The following CSMD2 variants were observed in gnomAD, a reference collection of about 807,000 sequenced individuals.
CSMD2 encodes the protein CUB and sushi domain-containing protein 2.
CSMD2 carries 130 observed loss-of-function variants against 398.5 expected under a neutral mutation model. The observed-to-expected ratio is 0.33, with a 90% CI of 0.28 to 0.38. The LOEUF (loss-of-function observed/expected upper bound fraction) is 0.38, where lower values mean the gene tolerates loss of function less well. Among genes scored for constraint, CSMD2 ranks in the 10% least tolerant of loss-of-function variants. CSMD2 has a pLI of 1.00. For synonymous variants in CSMD2, 1,828 were observed against 1,908.5 expected, an observed-to-expected ratio of 0.96 and a Z score of 1.10; for missense variants, 3,829 against 4,764.9, an observed-to-expected ratio of 0.80 and a Z score of 5.78.
At chr1:33,669,956 G>A (rs758617889) in intron 25 of CSMD2, among the ~76,000 whole-genome samples, 1 of 152,164 alleles carries the variant, frequency 6.6e-6, no homozygotes, top group Non-Finnish European at 1.5e-5. Context: ...TTCTTCCCCA[G>A]TATTTCCAGA....
chr1:33,994,668 C>T (rs1280996492), intron 3 of CSMD2, among the ~76,000 whole-genome samples: 4 of 152,154 alleles, frequency 2.6e-5, no homozygotes, highest in South Asian at 4.1e-4. Context: ...ATGCCCTTCA[C>T]CCTAGAACCA....
At chr1:34,032,521 G>T in intron 3 of CSMD2, 73 bp downstream of exon 3, 1 of 945,690 alleles carries the variant, frequency 1.1e-6, no homozygotes, top group Non-Finnish European at 1.6e-6. Flanking sequence ...GCATCTGTGA[G>T]CAATGCAGTC....
chr1:33,723,776 C>T (rs1451277249), intron 19 of CSMD2, among the ~76,000 whole-genome samples: 1 of 152,174 alleles, frequency 6.6e-6, no homozygotes, highest in Non-Finnish European at 1.5e-5. Flanking sequence ...TCAGAGACAC[C>T]TAATAGACTA....
At chr1:34,108,949 G>A (rs1364271200) in intron 1 of CSMD2, among the ~76,000 whole-genome samples, 1 of 152,134 alleles carries the variant, frequency 6.6e-6, no homozygotes, top group East Asian at 1.9e-4. Context: ...ATGAGGGGTG[G>A]TAAGACTTGA....
intron 13 of CSMD2, among the ~76,000 whole-genome samples, chr1:33,746,051 C>G (rs1647332546): frequency 6.6e-6 from 1 of 152,154 alleles, no homozygotes; most frequent in East Asian, 1.9e-4. Flanking sequence ...TACTAACCCC[C>G]CACCATGTCT....
chr1:33,632,238 G>A (rs1642504999), intron 32 of CSMD2, among the ~76,000 whole-genome samples: 1 of 151,960 alleles, frequency 6.6e-6, no homozygotes, highest in African/African-American at 2.4e-5. Flanking sequence ...CAGCATAAAA[G>A]CAAAGGAGAA....
chr1:33,534,005 C>G (rs1655523639), intron 62 of CSMD2, 98 bp from the exon 63 acceptor site: 1 of 679,482 alleles, frequency 1.5e-6, no homozygotes, highest in Non-Finnish European at 2.6e-6. Context: ...TCCTCCCGCA[C>G]TGTTGCCTGC....
At chr1:33,534,587 T>G (rs1565786) in intron 62 of CSMD2, among the ~76,000 whole-genome samples, 26,315 of 152,130 alleles carry the variant, frequency 0.17, 2,697 homozygotes, top group East Asian at 0.3. Context: ...CCACTTGGTG[T>G]AATGCGGCTA....
At chr1:33,657,881 G>A in intron 27 of CSMD2, 65 bp downstream of exon 27, 2 of 1,460,440 alleles carry the variant, frequency 1.4e-6, no homozygotes, top group South Asian at 2.5e-5. Flanking sequence ...TGCTGTGCAT[G>A]GAAGGTTCTG....
chr1:33,869,187 T>C (rs1383117433), intron 5 of CSMD2: 4 of 152,182 alleles, frequency 2.6e-5, no homozygotes, highest in African/African-American at 9.7e-5. Flanking sequence ...TGACTTTGTG[T>C]TACTCATCAT....
intron 12 of CSMD2, among the ~76,000 whole-genome samples, chr1:33,774,809 C>T (rs542234315): frequency 6.6e-6 from 1 of 152,148 alleles, no homozygotes; most frequent in South Asian, 2.1e-4. Flanking sequence ...CGTGTAGGCA[C>T]AGCCCTGCGC....
chr1:34,149,372 C>T (rs1258195592), intron 1 of CSMD2, among the ~76,000 whole-genome samples: 1 of 152,184 alleles, frequency 6.6e-6, no homozygotes, highest in Non-Finnish European at 1.5e-5. Flanking sequence ...GCTGGCTGGC[C>T]TCACCTCAGC....
intron 3 of CSMD2, among the ~76,000 whole-genome samples, chr1:33,950,195 C>T (rs1201300606): frequency 3.3e-5 from 5 of 152,168 alleles, no homozygotes; most frequent in African/African-American, 4.8e-5. Flanking sequence ...CCAATCCAAC[C>T]CATTCTCTAA....
intron 1 of CSMD2, among the ~76,000 whole-genome samples, chr1:34,121,787 G>A (rs1161430733): frequency 6.6e-6 from 1 of 152,088 alleles, no homozygotes; most frequent in Non-Finnish European, 1.5e-5. Flanking sequence ...TTCCAAGGTC[G>A]CTAACTCTAA....
chr1:33,565,363 G>C (rs1310061680), intron 53 of CSMD2, among the ~76,000 whole-genome samples: 1 of 152,016 alleles, frequency 6.6e-6, no homozygotes, highest in Non-Finnish European at 1.5e-5. Flanking sequence ...GCAATGATGG[G>C]AAAACCTGGG....
At chr1:33,995,156 A>G (rs1038583667) in intron 3 of CSMD2, among the ~76,000 whole-genome samples, 4 of 152,168 alleles carry the variant, frequency 2.6e-5, no homozygotes, top group Non-Finnish European at 4.4e-5. Flanking sequence ...GTTTCCAGTG[A>G]TGAAGAGAAA....
chr1:34,148,865 T>C (rs1251498917), intron 1 of CSMD2, among the ~76,000 whole-genome samples: 4 of 152,150 alleles, frequency 2.6e-5, no homozygotes, highest in Admixed American at 2.0e-4. Flanking sequence ...GGGGATCTTG[T>C]TAAAATTTAG....
chr1:33,590,634 C>CACACAT (rs1365095041), intron 44 of CSMD2, among the ~76,000 whole-genome samples: 9 of 148,186 alleles, frequency 6.1e-5, no homozygotes, highest in African/African-American at 2.2e-4. Context: ...CACACACACA[C>CACACAT]ATATACTCTT....
At chr1:33,597,650 G>A (rs954199968) in intron 44 of CSMD2, among the ~76,000 whole-genome samples, 5 of 152,308 alleles carry the variant, frequency 3.3e-5, no homozygotes, top group African/African-American at 1.2e-4. Flanking sequence ...TCAGTTGCTG[G>A]GAAGAGTGTA....
Sources: allele counts gnomAD v4.1 joint callset (sites outside exome capture counted in the v4.1 genomes callset), GRCh38; gene constraint gnomAD v4.1.1; transcripts MANE v1.5; gene names NCBI Gene and HGNC (gene_info 2026-07-23, HGNC 2026-07-21).